Variants in RNF38 observed in about 807,000 individuals in gnomAD.
The protein encoded by RNF38 is E3 ubiquitin-protein ligase RNF38.
A neutral mutation model predicts 67.2 loss-of-function variants in RNF38; 15 were observed. That is an observed-to-expected ratio of 0.22 (90% confidence interval 0.15 to 0.34). RNF38 has a LOEUF of 0.34. RNF38 is among the 10% of genes least tolerant of loss of function. RNF38 has a pLI of 1.00. For missense variants in RNF38, 524 were observed against 639.9 expected, an observed-to-expected ratio of 0.82 and a Z score of 1.95; for synonymous variants, 220 against 218.8, an observed-to-expected ratio of 1.01 and a Z score of -0.05.
intron 1 of RNF38, among the ~76,000 whole-genome samples, chr9:36,445,200 G>A (rs1325251764): frequency 6.6e-6 from 1 of 152,018 alleles, no homozygotes; most frequent in African/African-American, 2.4e-5. Flanking sequence ...GCAATAAATA[G>A]CAAGTACTGG....
intron 1 of RNF38, among the ~76,000 whole-genome samples, chr9:36,446,681 G>A (rs371458218): frequency 6.6e-5 from 10 of 151,434 alleles, no homozygotes; most frequent in Non-Finnish European, 1.0e-4. Flanking sequence ...GATGGCCCCC[G>A]CCTGTAATCC....
chr9:36,416,762 TTTTTTTTTG>T (rs1838483955), intron 2 of RNF38, among the ~76,000 whole-genome samples: 1 of 139,112 alleles, frequency 7.2e-6, no homozygotes. Context: ...TTTTTTTTTT[TTTTTTTTTG>T]AGACAGAGTC....
chr9:36,367,477 C>A (rs1835061990), intron 4 of RNF38, among the ~76,000 whole-genome samples: 1 of 152,026 alleles, frequency 6.6e-6, no homozygotes, highest in Non-Finnish European at 1.5e-5. Flanking sequence ...TGAAAGATTT[C>A]CTAATACTGA....
In RNF38 at chr9:36,376,076, C is replaced by G; in HGVS notation, c.214G>C (p.Asp72His). 6.2e-7 allele frequency: 1 copy of G among 1,611,768 alleles called. No homozygotes were observed. The highest frequency in any genetic ancestry group is 8.5e-7 in the Non-Finnish European group (1 of 1,179,310). Residue 72 changes from aspartate (D) to histidine (H), a missense_variant, in exon 3 of 12, where the codon GAT becomes CAT. Coordinates refer to ENST00000259605, the MANE Select transcript of RNF38 (RefSeq NM_022781.5). The stretch of plus-strand genomic sequence containing the variant: ...GGAGCTGGTGATGCTGATGTATAAT[C>G]AAAGACTGAATGAGAGAGGCGCTGT... The part of the protein sequence containing the change: ...KRQRLSHSVF[D>H]YTSASPAPSP...
intron 1 of RNF38, among the ~76,000 whole-genome samples, chr9:36,479,758 T>C (rs1414154033): frequency 6.6e-6 from 1 of 152,040 alleles, no homozygotes; most frequent in Non-Finnish European, 1.5e-5. Context: ...AAAAAAAAGT[T>C]TTAATAAGAT....
intron 4 of RNF38, among the ~76,000 whole-genome samples, chr9:36,362,004 G>T (rs1834573997): frequency 6.6e-6 from 1 of 152,090 alleles, no homozygotes; most frequent in Admixed American, 6.5e-5. Flanking sequence ...GCCATCAATT[G>T]CGAGAAGCAT....
At chr9:36,414,462 A>T (rs1253592899) in intron 2 of RNF38, among the ~76,000 whole-genome samples, 1 of 152,180 alleles carries the variant, frequency 6.6e-6, no homozygotes, top group African/African-American at 2.4e-5. Flanking sequence ...AGGGGGGCAG[A>T]TCACCTGAGG....
intron 2 of RNF38, among the ~76,000 whole-genome samples, chr9:36,389,931 A>C (rs1049688796): frequency 1.3e-5 from 2 of 152,186 alleles, no homozygotes; most frequent in Admixed American, 1.3e-4. Flanking sequence ...GATTCCAGTA[A>C]TCTTGTTAAT....
At chr9:36,480,308 G>C (rs1017828009) in intron 1 of RNF38, among the ~76,000 whole-genome samples, 18 of 151,992 alleles carry the variant, frequency 1.2e-4, no homozygotes, top group Admixed American at 2.6e-4. Flanking sequence ...ATGAATACCT[G>C]TTTTACTTTC....
chr9:36,434,285 G>A (rs1839007331), intron 1 of RNF38, among the ~76,000 whole-genome samples: 2 of 113,198 alleles, frequency 1.8e-5, no homozygotes, highest in Admixed American at 9.1e-5. Context: ...AGGGATAGGG[G>A]AGAAGGGGAG....
intron 4 of RNF38, among the ~76,000 whole-genome samples, chr9:36,368,218 C>T (rs1032500836): frequency 3.3e-5 from 5 of 152,118 alleles, no homozygotes; most frequent in South Asian, 2.1e-4. Context: ...CCATGGCTAC[C>T]GGTCTGCTCA....
intron 1 of RNF38, among the ~76,000 whole-genome samples, chr9:36,472,618 T>C (rs952717038): frequency 1.3e-5 from 2 of 152,190 alleles, no homozygotes; most frequent in African/African-American, 4.8e-5. Context: ...ATTTTCTAAA[T>C]GGTACGTTCC....
chr9:36,403,589 C>A (rs537324429), upstream of RNF38, among the ~76,000 whole-genome samples: 41 of 152,160 alleles, frequency 2.7e-4, no homozygotes, highest in Non-Finnish European at 5.0e-4. Flanking sequence ...TCCAGAGCTA[C>A]CCAAGTCATT....
intron 1 of RNF38, among the ~76,000 whole-genome samples, chr9:36,391,856 G>A (rs762955252): frequency 1.4e-4 from 22 of 152,086 alleles, no homozygotes; most frequent in African/African-American, 2.2e-4. Context: ...CTCGTGATCC[G>A]TCCGCCTCGG....
rs1001676160 is a variant in RNF38 at position 36,428,350 on chromosome 9, T to C, written n.242-3667A>G. Among the ~76,000 whole-genome samples the C allele has an allele frequency of 6.0e-5, 9 of 151,168 alleles. No homozygotes were observed. In the South Asian group the frequency reaches 1.3e-3, roughly 21 times the overall value. On this transcript the variant is annotated intron_variant and non_coding_transcript_variant, in intron 1 of 3. Coordinates refer to the RNF38 transcript ENST00000488058. ...ACTACTTGAACCCGGGAGGTGGAGG[T>C]TGCAGTGGGATGAGATCACGCCACT... is the stretch of plus-strand genomic sequence containing the variant.
At chr9:36,356,261 G>C (rs755073473) in intron 6 of RNF38, 42 bp downstream of exon 6, 9 of 1,595,450 alleles carry the variant, frequency 5.6e-6, no homozygotes, top group Non-Finnish European at 7.7e-6. Context: ...TTAAAAATTA[G>C]TTAAAAACTA....
intron 6 of RNF38, 85 bp downstream of exon 6, chr9:36,356,217 AG>A: frequency 7.7e-7 from 1 of 1,295,476 alleles, no homozygotes; most frequent in Non-Finnish European, 1.1e-6. Flanking sequence ...AAATCCACTA[AG>A]GTTATATACC....
At chr9:36,453,567 A>G (rs1460628694) in intron 1 of RNF38, among the ~76,000 whole-genome samples, 2 of 152,066 alleles carry the variant, frequency 1.3e-5, no homozygotes, top group Non-Finnish European at 2.9e-5. Context: ...TATTTTTAGT[A>G]GAGACGGGGT....
chr9:36,420,163 T>C (rs1838581654), intron 2 of RNF38, among the ~76,000 whole-genome samples: 1 of 152,208 alleles, frequency 6.6e-6, no homozygotes, highest in South Asian at 2.1e-4. Context: ...ATTTAATCTG[T>C]GCCTCAGATT....
Sources: allele counts gnomAD v4.1 joint callset (sites outside exome capture counted in the v4.1 genomes callset), GRCh38; gene constraint gnomAD v4.1.1; transcripts MANE v1.5; gene names NCBI Gene and HGNC (gene_info 2026-07-23, HGNC 2026-07-21).